CALB2: variants seen among roughly 807,000 people sequenced by gnomAD.
CALB2 encodes the protein calretinin.
CALB2 carries 34 observed loss-of-function variants against 45.9 expected under a neutral mutation model. The ratio of observed to expected loss-of-function variants is 0.74; its 90% CI spans 0.56 to 0.99. The LOEUF is 0.99. CALB2 is among the 50% of genes least tolerant of loss of function. CALB2 has a pLI of 0.00. For missense variants in CALB2, 344 were observed against 339.3 expected (o/e 1.01, Z -0.11); for synonymous variants, 142 against 129.6 (o/e 1.10, Z -0.65).
intron 10 of CALB2, among the ~76,000 whole-genome samples, chr16:71,388,782 A>AC (rs2042601032): frequency 6.6e-6 from 1 of 151,552 alleles, no homozygotes; most frequent in South Asian, 2.1e-4. Flanking sequence ...GGAGTTCGAA[A>AC]CCAGCCTGGC....
rs1365611656 is a variant in CALB2 at position 71,374,751 on chromosome 16, A to G, written c.178A>G (p.Lys60Glu). Reference protein sequence around the residue: ...KARKGSGMMSKSDNFGEKMKE... With the variant: ...KARKGSGMMSESDNFGEKMKE... ...CCCCTTTGTCTTTCCACAGATGTCA[A>G]AGAGTGACAACTTTGGAGAAAAGAT... Residue 60 changes from lysine to glutamate, a missense_variant, in exon 3 of 11, where the codon AAG becomes GAG. Around this residue, in one of 3 missense-constraint regions of CALB2, gnomAD observed 77 missense variants for 80.5 expected, o/e 0.96. Transcript: ENST00000302628. 6 of 1,611,178 alleles carry G rather than the reference A, an allele frequency of 3.7e-6. No homozygotes were observed. Among genetic ancestry groups the G allele is most frequent in the Admixed American group, 3.3e-5 (2 of 59,994 alleles).
intron 5 of CALB2, 143 bp from the exon 6 acceptor site, chr16:71,383,224 A>C: frequency 1.3e-6 from 1 of 777,448 alleles, no homozygotes; most frequent in Non-Finnish European, 2.2e-6. Flanking sequence ...GTTAGGAATT[A>C]TGAGGGCCCT....
chr16:71,367,352 C>T (rs2042299248), intron 1 of CALB2, among the ~76,000 whole-genome samples: 1 of 152,114 alleles, frequency 6.6e-6, no homozygotes. Context: ...GACCAGTCAC[C>T]CCACCCGCTG....
At chr16:71,361,680 G>A (rs2042239273) in intron 1 of CALB2, among the ~76,000 whole-genome samples, 4 of 152,176 alleles carry the variant, frequency 2.6e-5, no homozygotes. Flanking sequence ...GGAGGCAGCT[G>A]AATCCCAACG....
At chr16:71,382,628 G>A in intron 4 of CALB2, 91 bp from the exon 5 acceptor site, 5 of 1,221,316 alleles carry the variant, frequency 4.1e-6, no homozygotes, top group Non-Finnish European at 5.9e-6. Flanking sequence ...TGAAGATCAA[G>A]ACCCTGGGTG....
At chr16:71,368,279 T>G (rs1484432972) in intron 1 of CALB2, among the ~76,000 whole-genome samples, 2 of 152,078 alleles carry the variant, frequency 1.3e-5, no homozygotes, top group Non-Finnish European at 2.9e-5. Flanking sequence ...TCCCAGCACT[T>G]TGGGAGGCCA....
At chr16:71,370,144 CAT>C (rs2042331267) in intron 1 of CALB2, among the ~76,000 whole-genome samples, 1 of 152,216 alleles carries the variant, frequency 6.6e-6, no homozygotes. Context: ...TAATTTATCT[CAT>C]GTGATTCGTG....
At chr16:71,382,522 G>T (rs1345623595) in intron 4 of CALB2, among the ~76,000 whole-genome samples, 197 bp from the exon 5 acceptor site, 1 of 152,228 alleles carries the variant, frequency 6.6e-6, no homozygotes, top group African/African-American at 2.4e-5. Context: ...GCGCTCATGA[G>T]ATCACTGTCG....
At chr16:71,364,832 G>T (rs1209290555) in intron 1 of CALB2, among the ~76,000 whole-genome samples, 1 of 152,228 alleles carries the variant, frequency 6.6e-6, no homozygotes, top group Admixed American at 6.5e-5. Flanking sequence ...AAGCGTGTGT[G>T]TGTGTGTCAG....
At chr16:71,381,030 T>C (rs532544266) in intron 4 of CALB2, among the ~76,000 whole-genome samples, 3 of 152,270 alleles carry the variant, frequency 2.0e-5, no homozygotes, top group African/African-American at 4.8e-5. Context: ...TGGTCGGAAG[T>C]GGACCCGCTG....
At chr16:71,373,137 G>C (rs1305499258) in intron 2 of CALB2, among the ~76,000 whole-genome samples, 2 of 152,218 alleles carry the variant, frequency 1.3e-5, no homozygotes, top group Non-Finnish European at 2.9e-5. Context: ...TGCCGTGTCT[G>C]GTTCTGGAGT....
rs1567544278 is a variant in CALB2, at chr16:71,384,755, TCTGTCTTTAATACC to T, written c.574-24_574-11del. On this transcript the variant is annotated splice_polypyrimidine_tract_variant and intron_variant, in intron 8 of 10. Transcript: ENST00000302628. Reference sequence around the variant, plus strand: ...ACACACACACCACTGCGCTTCTGCTTCTGTCTTTAATACCCTGGTTCTTGCAGGGCATGAAGCTG... The same window carrying T: ...ACACACACACCACTGCGCTTCTGCTTCTGGTTCTTGCAGGGCATGAAGCTG... 1 of 1,198,472 alleles carries T rather than the reference TCTGTCTTTAATACC, an allele frequency of 8.3e-7. No individual in the cohort carries two copies. Among genetic ancestry groups the T allele is most frequent in the Non-Finnish European group, 1.1e-6 (1 of 950,148 alleles). 74.2% of individuals were successfully genotyped at this position (1,198,472 alleles called of 1,614,324 possible).
chr16:71,363,204 A>C (rs977232317), intron 1 of CALB2, among the ~76,000 whole-genome samples: 1 of 152,174 alleles, frequency 6.6e-6, no homozygotes, highest in African/African-American at 2.4e-5. Flanking sequence ...AACTAACTAA[A>C]TAAATAAAGA....
chr16:71,386,771 C>G (rs978279826), intron 10 of CALB2, among the ~76,000 whole-genome samples: 1 of 152,232 alleles, frequency 6.6e-6, no homozygotes, highest in Non-Finnish European at 1.5e-5. Flanking sequence ...ATTTAATGCT[C>G]AATTTCAGGA....
rs759468010 is a variant in CALB2 at position 71,383,974 on chromosome 16, G to A, written c.482G>A (p.Arg161Gln). The change falls in exon 7 of 11, where the codon CGG becomes CAG. Residue 161 changes from arginine (R) to glutamine (Q), a missense_variant. Arg to Gln is a conservative substitution (Grantham distance 43, BLOSUM62 1). Coordinates refer to ENST00000302628, the MANE Select transcript of CALB2 (RefSeq NM_001740.5). ...KLQEYTQTIL[R>Q]MFDLNGDGKL... ...GCACCTTTCTGTCCCCAACAGCTAC[G>A]GATGTTTGACTTGAACGGGGATGGC... 5.0e-5 allele frequency: 80 copies of A among 1,613,752 alleles called. No individual in the cohort carries two copies. Among genetic ancestry groups the A allele is most frequent in the Non-Finnish European group, 6.1e-5 (72 of 1,179,854 alleles).
At chr16:71,373,333 TGAG>T (rs1479755551) in intron 2 of CALB2, among the ~76,000 whole-genome samples, 7 of 152,202 alleles carry the variant, frequency 4.6e-5, no homozygotes, top group Non-Finnish European at 8.8e-5. Flanking sequence ...AGCGCCCCAA[TGAG>T]GAGGTCAAAG....
At chr16:71,365,238 G>A (rs567207725) in intron 1 of CALB2, among the ~76,000 whole-genome samples, 5 of 152,266 alleles carry the variant, frequency 3.3e-5, no homozygotes, top group African/African-American at 7.2e-5. Context: ...GCAGCTTAAC[G>A]AGGAAATTCC....
chr16:71,376,091 C>A (rs1481680339), intron 3 of CALB2, among the ~76,000 whole-genome samples: 1 of 152,168 alleles, frequency 6.6e-6, no homozygotes, highest in Admixed American at 6.5e-5. Context: ...GGGGCTTAAA[C>A]CAAGGGTTGA....
chr16:71,386,666 T>A (rs2042574568), intron 10 of CALB2, among the ~76,000 whole-genome samples: 2 of 152,206 alleles, frequency 1.3e-5, no homozygotes, highest in Admixed American at 6.5e-5. Context: ...TGTCTTTCTC[T>A]GAGCAACTGG....
Sources: allele counts gnomAD v4.1 joint callset (sites outside exome capture counted in the v4.1 genomes callset), GRCh38; gene constraint gnomAD v4.1.1; regional missense constraint gnomAD v4.1.1; transcripts MANE v1.5; gene names NCBI Gene and HGNC (gene_info 2026-07-23, HGNC 2026-07-21).